RNF38: variants seen among roughly 807,000 people sequenced by gnomAD.
The protein encoded by RNF38 is ring finger protein 38.
Under a neutral mutation model 67.2 loss-of-function variants are expected in RNF38, and 15 were observed. The ratio of observed to expected loss-of-function variants is 0.22; its 90% confidence interval spans 0.15 to 0.34. The LOEUF (loss-of-function observed/expected upper bound fraction) is 0.34. RNF38 is among the 10% of genes least tolerant of loss of function. RNF38 has a pLI of 1.00. For synonymous variants in RNF38, 220 were observed against 218.8 expected, an observed-to-expected ratio of 1.01 and a Z score of -0.05; for missense variants, 524 against 639.9, an observed-to-expected ratio of 0.82 and a Z score of 1.95.
intron 1 of RNF38, among the ~76,000 whole-genome samples, chr9:36,457,294 G>C (rs138626458): frequency 0.013 from 2,054 of 152,220 alleles, 42 homozygotes; most frequent in African/African-American, 0.045. Context: ...AACCCATACT[G>C]CATACAGGTA....
At chr9:36,355,796 T>G (rs1834057532) in intron 6 of RNF38, among the ~76,000 whole-genome samples, 1 of 152,108 alleles carries the variant, frequency 6.6e-6, no homozygotes, top group Non-Finnish European at 1.5e-5. Flanking sequence ...TTTGTATATG[T>G]TTGGATTCCT....
In RNF38 at chr9:36,373,084, G is replaced by T. The variant is rs561798320; in HGVS notation, c.356+2850C>A. On this transcript the variant is annotated intron_variant, in intron 3 of 11. Transcript: ENST00000259605. ...TAGCTGGGTGTTGTGGCAGGCACCT[G>T]TAATCCCAGCTACTTGTGAGGCTGA... 9.4e-4 allele frequency among the ~76,000 whole-genome samples: 143 copies of T among 152,266 alleles called. 1 individual carries two copies. The East Asian group carries it at 0.023, about 25-fold the overall frequency.
intron 1 of RNF38, among the ~76,000 whole-genome samples, chr9:36,455,902 C>T (rs904124543): frequency 6.8e-6 from 1 of 146,834 alleles, no homozygotes; most frequent in Non-Finnish European, 1.5e-5. Flanking sequence ...CAGAGCAAGA[C>T]TCCACCTCAA....
chr9:36,481,037 CAG>C (rs199861649), intron 1 of RNF38, among the ~76,000 whole-genome samples: 3,484 of 139,862 alleles, frequency 0.025, 130 homozygotes, highest in African/African-American at 0.081. Context: ...TTTTTTGAGA[CAG>C]AGTCTTGCTC....
At chr9:36,355,502 T>C (rs1345300191) in intron 6 of RNF38, among the ~76,000 whole-genome samples, 1 of 152,200 alleles carries the variant, frequency 6.6e-6, no homozygotes, top group Non-Finnish European at 1.5e-5. Flanking sequence ...CACAACATAG[T>C]GAAAAACCAG....
chr9:36,403,734 A>G (rs1288703013), upstream of RNF38, among the ~76,000 whole-genome samples: 1 of 152,220 alleles, frequency 6.6e-6, no homozygotes, highest in Non-Finnish European at 1.5e-5. Context: ...ATTCTAATAC[A>G]TGGGAATAAC....
intron 1 of RNF38, among the ~76,000 whole-genome samples, chr9:36,460,279 C>G (rs1338660751): frequency 1.3e-5 from 2 of 152,062 alleles, no homozygotes; most frequent in Non-Finnish European, 2.9e-5. Context: ...TTACTTCTCT[C>G]GCATAAGTGA....
chr9:36,394,414 T>A (rs780173874), intron 1 of RNF38, among the ~76,000 whole-genome samples: 13 of 152,260 alleles, frequency 8.5e-5, no homozygotes, highest in Non-Finnish European at 1.5e-4. Flanking sequence ...TTGTAGTAAT[T>A]TGTTACAGAA....
chr9:36,372,488 G>A (rs1437710348), intron 3 of RNF38: 4 of 695,528 alleles, frequency 5.8e-6, no homozygotes, highest in South Asian at 1.6e-5. Context: ...ACCTAGCTTT[G>A]TGCTCACCTC....
chr9:36,393,771 C>T (rs1412127926), intron 1 of RNF38, among the ~76,000 whole-genome samples: 5 of 152,104 alleles, frequency 3.3e-5, no homozygotes, highest in African/African-American at 7.2e-5. Context: ...GAAAGCAGAA[C>T]TGAGTCCTTC....
chr9:36,392,391 G>A (rs1351773859), intron 1 of RNF38, among the ~76,000 whole-genome samples: 1 of 152,112 alleles, frequency 6.6e-6, no homozygotes, highest in East Asian at 1.9e-4. Context: ...ATGCATTGCT[G>A]AATCAAGGCG....
chr9:36,442,498 C>T (rs191614894), intron 1 of RNF38, among the ~76,000 whole-genome samples: 1 of 152,112 alleles, frequency 6.6e-6, no homozygotes, highest in Non-Finnish European at 1.5e-5. Flanking sequence ...ATTAAAGACA[C>T]CTGCCAGGCG....
At chr9:36,486,485 G>T (rs770076592) in intron 1 of RNF38, among the ~76,000 whole-genome samples, 7 of 152,170 alleles carry the variant, frequency 4.6e-5, no homozygotes, top group Admixed American at 1.3e-4. Flanking sequence ...GGCCATGTAT[G>T]CATTTCTGGT....
At chr9:36,487,212 T>A (rs1263269827) in intron 1 of RNF38, 1 of 784,176 alleles carries the variant, frequency 1.3e-6, no homozygotes, top group South Asian at 5.7e-5. Flanking sequence ...CTCCTCCCCG[T>A]CGGCGGGGCC....
intron 6 of RNF38, among the ~76,000 whole-genome samples, chr9:36,355,388 AG>A (rs1834024431): frequency 6.6e-6 from 1 of 152,180 alleles, no homozygotes; most frequent in South Asian, 2.1e-4. Context: ...GTACTTATAT[AG>A]TACTTATATC....
chr9:36,356,418 G>C lies in RNF38; in HGVS notation c.794C>G (p.Pro265Arg). The C allele has an allele frequency of 6.2e-6, 10 of 1,613,766 alleles. No homozygotes were observed. The highest frequency in any genetic ancestry group is 7.6e-6 in the Non-Finnish European group (9 of 1,179,826). ...HLPVPYAAFP[P>R]LISSDPFLIH... is the part of the protein sequence containing the mutation. ...AAGAAATGGATCACTAGAAATAAGG[G>C]GTGGGAATGCAGCATATGGTACTGG... The change falls in exon 6 of 12, where the codon CCC becomes CGC. Residue 265 changes from proline to arginine, a missense_variant. Around this residue, in one of 2 missense-constraint regions of RNF38, gnomAD observed 461 missense variants for 517.4 expected, o/e 0.89. Transcript: ENST00000259605.
At chr9:36,445,901 T>C (rs757364125) in intron 1 of RNF38, among the ~76,000 whole-genome samples, 1 of 152,188 alleles carries the variant, frequency 6.6e-6, no homozygotes, top group Non-Finnish European at 1.5e-5. Context: ...GCTCAAACGA[T>C]TCCCCCTGAT....
At chr9:36,413,785 C>T (rs1194424383) in intron 2 of RNF38, among the ~76,000 whole-genome samples, 1 of 152,100 alleles carries the variant, frequency 6.6e-6, no homozygotes, top group Non-Finnish European at 1.5e-5. Flanking sequence ...AGTTCAAGCC[C>T]ATTGTTTCTT....
chr9:36,475,999 ACT>A (rs1278616595), intron 1 of RNF38, among the ~76,000 whole-genome samples: 1 of 122,156 alleles, frequency 8.2e-6, no homozygotes. Flanking sequence ...ACAGAGCGGG[ACT>A]CTGTTTCCAA....
Sources: gnomAD v4.1 joint callset for allele counts (sites outside exome capture counted in the v4.1 genomes callset) on GRCh38, gnomAD v4.1.1 for gene constraint, gnomAD v4.1.1 regional missense constraint, MANE v1.5 for transcripts, NCBI Gene and HGNC (gene_info 2026-07-23, HGNC 2026-07-21) for gene names.